ANKRD45: variants seen among roughly 807,000 people sequenced by gnomAD.
The protein encoded by ANKRD45 is ankyrin repeat domain-containing protein 45.
ANKRD45 carries 21 observed loss-of-function variants against 28.1 expected under a neutral mutation model. That is an observed-to-expected ratio of 0.75 (90% CI 0.53 to 1.08). ANKRD45 has a LOEUF of 1.08. ANKRD45 is among the 50% of genes least tolerant of loss of function. The pLI is 0.00. For missense variants in ANKRD45, 261 were observed against 308.7 expected (o/e 0.85, Z 1.16); for synonymous variants, 86 against 103.9 (o/e 0.83, Z 1.05).
chr1:173,640,397 G>A lies in ANKRD45; in HGVS notation c.496+6449C>T, dbSNP rs753179495. 1.1e-4 allele frequency among the ~76,000 whole-genome samples: 17 copies of A among 152,086 alleles called. 1 individual carries two copies. Among genetic ancestry groups the A allele is most frequent in the Middle Eastern group, 3.4e-3 (1 of 294 alleles). On this transcript the variant is annotated intron_variant, in intron 3 of 5. Transcript: ENST00000333279. The stretch of plus-strand genomic sequence containing the variant: ...CCCCTATCTGGTGCTGTTAACCACC[G>A]AGACTGCCGTCCGCACAGCTGAGAA...
rs561867977 is a variant in ANKRD45 at position 173,667,645 on chromosome 1, G to A, written c.-16+2172C>T. On this transcript the variant is annotated intron_variant, in intron 1 of 5. Coordinates refer to ENST00000333279, the MANE Select transcript of ANKRD45 (RefSeq NM_198493.3). Reference sequence around the variant, plus strand: ...CACTGGAACCCAGGAGGCAGAGGTTGCAGTGAGCTAAGATCACCCCACTGC... The same window carrying A: ...CACTGGAACCCAGGAGGCAGAGGTTACAGTGAGCTAAGATCACCCCACTGC... The A allele has an allele frequency of 4.2e-5, 15 of 353,620 alleles. No individual in the cohort carries two copies. In the East Asian group the frequency reaches 1.5e-3, roughly 35 times the overall value. 21.9% of individuals were successfully genotyped at this position (353,620 alleles called of 1,614,324 possible).
the ANKRD45 span, among the ~76,000 whole-genome samples, chr1:173,710,824 G>A: frequency 2.6e-5 from 4 of 152,170 alleles, no homozygotes; most frequent in Middle Eastern, 3.4e-3. Flanking sequence ...ACCATCACCC[G>A]ATGGTCACCT....
chr1:173,646,321 A>G (rs531796209), intron 3 of ANKRD45, among the ~76,000 whole-genome samples: 68 of 152,356 alleles, frequency 4.5e-4, no homozygotes, highest in Non-Finnish European at 9.7e-4. Context: ...ACCAGCAACC[A>G]GGTTAAGAAA....
chr1:173,664,638 G>T (rs530660673), intron 1 of ANKRD45, among the ~76,000 whole-genome samples: 106 of 152,056 alleles, frequency 7.0e-4, no homozygotes, highest in Non-Finnish European at 1.2e-3. Context: ...AACTCCAAAG[G>T]TCATTATGTA....
At chr1:173,617,824 C>G (rs954495700) in intron 5 of ANKRD45, among the ~76,000 whole-genome samples, 1 of 152,232 alleles carries the variant, frequency 6.6e-6, no homozygotes, top group Non-Finnish European at 1.5e-5. Flanking sequence ...TCCCTCCTGA[C>G]TGAGTGAGAC....
At chr1:173,611,345 A>C (rs1160991681) in intron 5 of ANKRD45, among the ~76,000 whole-genome samples, 1 of 152,196 alleles carries the variant, frequency 6.6e-6, no homozygotes, top group Non-Finnish European at 1.5e-5. Flanking sequence ...TCTACTCACA[A>C]ACTAAGTGGT....
chr1:173,682,685 A>ACG, the ANKRD45 span, among the ~76,000 whole-genome samples: 1,054 of 31,452 alleles, frequency 0.034, 19 homozygotes, highest in East Asian at 0.18. Context: ...CCTTTTAAAT[A>ACG]CACACACACA....
chr1:173,613,528 CA>C (rs1452029612), intron 5 of ANKRD45, among the ~76,000 whole-genome samples: 3 of 147,958 alleles, frequency 2.0e-5, no homozygotes, highest in African/African-American at 5.0e-5. Flanking sequence ...CCCGCCCGGC[CA>C]GCCGCCCCGT....
chr1:173,612,551 A>AT (rs1017239541), intron 5 of ANKRD45: 4 of 152,158 alleles, frequency 2.6e-5, no homozygotes, highest in East Asian at 1.9e-4. Flanking sequence ...AGGATGGCTA[A>AT]TTTTTTTAAA....
intron 5 of ANKRD45, among the ~76,000 whole-genome samples, chr1:173,618,485 T>C (rs563528139): frequency 3.9e-5 from 6 of 152,122 alleles, no homozygotes; most frequent in African/African-American, 1.4e-4. Context: ...TGCAAGAAGT[T>C]CACAATGCAA....
upstream of ANKRD45, among the ~76,000 whole-genome samples, chr1:173,671,471 C>T (rs1332638551): frequency 1.3e-5 from 2 of 152,116 alleles, no homozygotes; most frequent in South Asian, 2.1e-4. Context: ...ACACACTGCA[C>T]GTGCTCCTCT....
chr1:173,695,824 G>A, the ANKRD45 span, among the ~76,000 whole-genome samples: 1,731 of 152,176 alleles, frequency 0.011, 35 homozygotes, highest in African/African-American at 0.038. Flanking sequence ...CACCAACAGC[G>A]TATAAGCCCC....
rs1669670405 is a variant in ANKRD45, at chr1:173,659,129, G to A, written c.290C>T (p.Ala97Val). The A allele has an allele frequency of 6.2e-7, 1 of 1,613,918 alleles. No individual in the cohort carries two copies. Among genetic ancestry groups the A allele is most frequent in the South Asian group, 1.1e-5 (1 of 91,056 alleles). ...AGQSDVIRALAKYGVNLNEKT... is the reference protein window; with the variant it reads ...AGQSDVIRALVKYGVNLNEKT... The stretch of plus-strand genomic sequence containing the variant: ...TTCATTCAGATTCACACCATATTTT[G>A]CCAAAGCTCTAATCACGTCACTTTG... The change falls in exon 2 of 6, where the codon GCA becomes GTA. Residue 97 changes from alanine (A) to valine (V), a missense_variant. By Grantham distance (64) the Ala-to-Val change is moderately conservative. Coordinates refer to ENST00000333279, the MANE Select transcript of ANKRD45 (RefSeq NM_198493.3).
chr1:173,675,888 C>G, the ANKRD45 span, among the ~76,000 whole-genome samples: 1 of 152,090 alleles, frequency 6.6e-6, no homozygotes, highest in African/African-American at 2.4e-5. Flanking sequence ...GAACTTTAGT[C>G]CATAGAAGGA....
chr1:173,666,898 T>A (rs1670046489), intron 1 of ANKRD45, among the ~76,000 whole-genome samples: 1 of 152,146 alleles, frequency 6.6e-6, no homozygotes, highest in Admixed American at 6.5e-5. Flanking sequence ...ACTATAGATG[T>A]GTGCCATCAC....
At chr1:173,669,729 C>T (rs1670183041) in intron 1 of ANKRD45, 88 bp downstream of exon 1, 1 of 285,912 alleles carries the variant, frequency 3.5e-6, no homozygotes, top group South Asian at 3.9e-5. Context: ...CCTGCCCGAG[C>T]AGCCTGGAGG....
intron 3 of ANKRD45, among the ~76,000 whole-genome samples, chr1:173,642,062 A>G (rs1266054682): frequency 6.6e-6 from 1 of 152,196 alleles, no homozygotes; most frequent in African/African-American, 2.4e-5. Context: ...TTGTACCTTT[A>G]TTCCTAATAA....
intron 3 of ANKRD45, among the ~76,000 whole-genome samples, chr1:173,643,127 A>G (rs1668771271): frequency 6.6e-6 from 1 of 151,508 alleles, no homozygotes; most frequent in Non-Finnish European, 1.5e-5. Flanking sequence ...GTTTCAATAC[A>G]TCTCTGATAA....
intron 5 of ANKRD45, among the ~76,000 whole-genome samples, chr1:173,621,322 C>G (rs1466500327): frequency 6.6e-6 from 1 of 152,196 alleles, no homozygotes; most frequent in Non-Finnish European, 1.5e-5. Context: ...CAGCATCATC[C>G]TGATACCCAA....
Sources: gnomAD v4.1 joint callset for allele counts (sites outside exome capture counted in the v4.1 genomes callset) on GRCh38, gnomAD v4.1.1 for gene constraint, MANE v1.5 for transcripts, NCBI Gene and HGNC (gene_info 2026-07-23, HGNC 2026-07-21) for gene names.